The following ELF3 variants were observed in gnomAD, a reference collection of about 807,000 sequenced individuals.
The protein encoded by ELF3 is E74 like ETS transcription factor 3, also known as ETS-related transcription factor Elf-3.
In ELF3, 18 loss-of-function variants were observed where a neutral mutation model predicts 43.9. That is an observed-to-expected ratio of 0.41 (90% CI 0.28 to 0.61). The LOEUF (loss-of-function observed/expected upper bound fraction) is 0.61, where lower values mean the gene tolerates loss of function less well. Ranked by LOEUF, ELF3 falls within the 20% of genes least tolerant of loss-of-function variation. The pLI is 0.30. For missense variants in ELF3, 373 were observed against 487.7 expected (o/e 0.76, Z 2.21); for synonymous variants, 181 against 190.2 (o/e 0.95, Z 0.40).
At chr1:202,014,648 C>T (rs1684277468) in intron 8 of ELF3, among the ~76,000 whole-genome samples, 1 of 151,850 alleles carries the variant, frequency 6.6e-6, no homozygotes, top group Non-Finnish European at 1.5e-5. Flanking sequence ...CGCTCTGTCA[C>T]CCAGGCTAGA....
In ELF3 at chr1:202,012,316, G is replaced by T; in HGVS notation, c.386-28G>T. ...AGCCCTTGAGGGAGGGATTAGGGGA[G>T]TGTGACCCTTCCTTCCTTCCTTGTC... On this transcript the variant is annotated intron_variant, in intron 3 of 8. Coordinates refer to ENST00000367284, the MANE Select transcript of ELF3 (RefSeq NM_004433.5). The surrounding 1 kb of genome is among the most constrained non-coding windows in gnomAD (Gnocchi z 4.2). 1.9e-6 allele frequency: 3 copies of T among 1,613,064 alleles called. No individual in the cohort carries two copies. Among genetic ancestry groups the T allele is most frequent in the Non-Finnish European group, 2.5e-6 (3 of 1,179,378 alleles).
At chr1:202,014,845 T>G in intron 8 of ELF3, 1 of 208,242 alleles carries the variant, frequency 4.8e-6, no homozygotes. Flanking sequence ...TGACCTCAAG[T>G]GATCCGCCCG....
rs1684302139 is a variant in ELF3, at chr1:202,015,992, T to C, written c.*669T>C. 6.6e-6 allele frequency: 1 copy of C among 152,292 alleles called. No individual in the cohort carries two copies. Among genetic ancestry groups the C allele is most frequent in the African/African-American group, 2.4e-5 (1 of 41,452 alleles). The allele number at this position is 152,292 out of a possible 1,614,324, so 9.4% of individuals were successfully genotyped here. On this transcript the variant is annotated 3_prime_UTR_variant, in exon 9 of 9. Coordinates refer to ENST00000367284, the MANE Select transcript of ELF3 (RefSeq NM_004433.5). ...CAGAGACCTCCAATAAAGTGCCTTC[T>C]GGGCTTTTTCTAACCTTTGTCTTAG...
rs1207225406 is a variant in ELF3 at position 202,012,604 on chromosome 1, C to A, written c.479-36C>A. ...GCATCACCTGTCCTGGTCTGGTCCC[C>A]TGAGCCCTCTCTGAGTTCTCACCTC... is the stretch of plus-strand genomic sequence containing the variant. On this transcript the variant is annotated intron_variant, in intron 4 of 8. Coordinates refer to ENST00000367284, the MANE Select transcript of ELF3 (RefSeq NM_004433.5). The surrounding 1 kb of genome is among the most constrained non-coding windows in gnomAD (Gnocchi z 4.2). 1 of 1,558,978 alleles carries A rather than the reference C, an allele frequency of 6.4e-7. No homozygotes were observed. Among genetic ancestry groups the A allele is most frequent in the Admixed American group, 1.9e-5 (1 of 52,572 alleles).
chr1:202,013,343 G>T lies in ELF3; in HGVS notation c.805+45G>T, dbSNP rs373929064. On this transcript the variant is annotated intron_variant, in intron 7 of 8. Transcript: ENST00000367284. This position sits in a 1 kb window ranked among gnomAD's most constrained non-coding sequence, Gnocchi z 5.7. ...GGGTCCTCCCTGCGCCGGGCTGAGC[G>T]GCTTCCTGGGGCACTGCGGGTTGTT... 9 of 1,576,818 alleles carry T rather than the reference G, an allele frequency of 5.7e-6. No homozygotes were observed. Among genetic ancestry groups the T allele is most frequent in the Middle Eastern group, 1.7e-4 (1 of 5,876 alleles).
In ELF3 at chr1:202,013,719, C is replaced by A; in HGVS notation, c.806-110C>A. On this transcript the variant is annotated intron_variant, in intron 7 of 8. Coordinates refer to ENST00000367284, the MANE Select transcript of ELF3 (RefSeq NM_004433.5). This position sits in a 1 kb window ranked among gnomAD's most constrained non-coding sequence, Gnocchi z 5.7. ...GGGCACTGCGGGGTCTCTGGAGAGG[C>A]TTGCTGCATGCTGTGGCCAAGTCAG... 1.6e-6 allele frequency: 2 copies of A among 1,248,394 alleles called. No homozygotes were observed. The highest frequency in any genetic ancestry group is 2.2e-6 in the Non-Finnish European group (2 of 906,004). The allele number at this position is 1,248,394 out of a possible 1,614,324, so 77.3% of individuals were successfully genotyped here.
Position 202,013,426 on chromosome 1 carries a change from C to A in ELF3, c.805+128C>A. ...CCGCATGGCCTTTGGTAAGGCTGTG[C>A]ACAAGCTGGGGGCTCTATGGTATCG... On this transcript the variant is annotated intron_variant, in intron 7 of 8. Coordinates refer to ENST00000367284, the MANE Select transcript of ELF3 (RefSeq NM_004433.5). The surrounding 1 kb of genome is among the most constrained non-coding windows in gnomAD (Gnocchi z 5.7). The A allele has an allele frequency of 1.1e-6, 1 of 949,048 alleles. No individual in the cohort carries two copies. The highest frequency in any genetic ancestry group is 1.6e-6 in the Non-Finnish European group (1 of 618,814). 58.8% of individuals were successfully genotyped at this position (949,048 alleles called of 1,614,324 possible). A position where few individuals can be genotyped will look rare whatever the true frequency, so the allele number is the denominator to read the frequency against.
Position 202,010,768 on chromosome 1 carries a change from G to A in ELF3, c.-9+62G>A, listed in dbSNP as rs377233530. ...TTGGGAAACTGCAGAGGGGTCCAGA[G>A]GATTTGCAGTTCTGAACCTGCACAC... is the stretch of plus-strand genomic sequence containing the variant. On this transcript the variant is annotated intron_variant, in intron 1 of 8. Transcript: ENST00000367284. This position sits in a 1 kb window ranked among gnomAD's most constrained non-coding sequence, Gnocchi z 4.3. 2.0e-4 allele frequency: 39 copies of A among 193,314 alleles called. No individual in the cohort carries two copies. The highest frequency in any genetic ancestry group is 9.0e-4 in the African/African-American group (38 of 42,268). 12.0% of individuals were successfully genotyped at this position (193,314 alleles called of 1,614,324 possible).
chr1:202,012,207 G>A lies in ELF3; in HGVS notation c.385+29G>A, dbSNP rs74136712. On this transcript the variant is annotated intron_variant, in intron 3 of 8. Transcript: ENST00000367284. The surrounding 1 kb of genome is among the most constrained non-coding windows in gnomAD (Gnocchi z 4.2). ...AGTCCAGGCCCCTGGAGGCTGGGGA[G>A]CAGCTCCACATGTTGAGCTGAGTCG... is the stretch of plus-strand genomic sequence containing the variant. 34,155 of 1,609,436 alleles carry A rather than the reference G, an allele frequency of 0.021. 922 individuals are homozygous for A. Among genetic ancestry groups the A allele is most frequent in the African/African-American group, 0.13 (9,989 of 74,922 alleles).
Position 202,016,308 on chromosome 1 carries a change from C to A in ELF3, c.*985C>A, listed in dbSNP as rs921723239. On this transcript the variant is annotated 3_prime_UTR_variant, in exon 9 of 9. Transcript: ENST00000367284. The stretch of plus-strand genomic sequence containing the variant: ...TGCTGTCATGACACCGCTCGAGTGA[C>A]CTTGACCTTGACCAAGTCTGTCCTG... 1 of 152,218 alleles carries A rather than the reference C, an allele frequency of 6.6e-6. No homozygotes were observed. The highest frequency in any genetic ancestry group is 1.5e-5 in the Non-Finnish European group (1 of 68,054). 9.4% of individuals were successfully genotyped at this position (152,218 alleles called of 1,614,324 possible). A position where few individuals can be genotyped will look rare whatever the true frequency, so the allele number is the denominator to read the frequency against.
chr1:202,015,464 AT>A lies in ELF3; in HGVS notation c.*143del. The A allele has an allele frequency of 1.3e-6, 1 of 785,444 alleles. No individual in the cohort carries two copies. The highest frequency in any genetic ancestry group is 2.7e-5 in the East Asian group (1 of 36,898). 48.7% of individuals were successfully genotyped at this position (785,444 alleles called of 1,614,324 possible). A position where few individuals can be genotyped will look rare whatever the true frequency, so the allele number is the denominator to read the frequency against. On this transcript the variant is annotated 3_prime_UTR_variant, in exon 9 of 9. Coordinates refer to ENST00000367284, the MANE Select transcript of ELF3 (RefSeq NM_004433.5). ...TGGAGAGAAGCTGATGTTTTGGTGT[AT>A]TGTCAGCCATCGTCCTGGGACTCGG...
chr1:202,012,274 G>C lies in ELF3; in HGVS notation c.386-70G>C. 1 of 1,607,370 alleles carries C rather than the reference G, an allele frequency of 6.2e-7. No homozygotes were observed. Among genetic ancestry groups the C allele is most frequent in the Middle Eastern group, 1.7e-4 (1 of 5,768 alleles). ...AGGCAGGCCCTGGAGCTCTGGGCCAGCTGCACAGCCAGAGAGAGCCCTTGA... is the reference window on the plus strand; with the variant it reads ...AGGCAGGCCCTGGAGCTCTGGGCCACCTGCACAGCCAGAGAGAGCCCTTGA... On this transcript the variant is annotated intron_variant, in intron 3 of 8. Coordinates refer to ENST00000367284, the MANE Select transcript of ELF3 (RefSeq NM_004433.5). This position sits in a 1 kb window ranked among gnomAD's most constrained non-coding sequence, Gnocchi z 4.2.
At position 202,013,270 on chromosome 1, in the gene ELF3, C is replaced by G. The variant is rs1231879927; in HGVS notation, c.777C>G (p.Asp259Glu). The G allele has an allele frequency of 6.2e-7, 1 of 1,614,160 alleles. No individual in the cohort carries two copies. The highest frequency in any genetic ancestry group is 1.1e-5 in the South Asian group (1 of 91,082). The change falls in exon 7 of 9, where the codon GAC (aspartate) becomes GAG (glutamate). Residue 259 changes from aspartate to glutamate, a missense_variant. By Grantham distance (45) the Asp-to-Glu change is conservative. Around this residue, in one of 3 missense-constraint regions of ELF3, gnomAD observed 311 missense variants for 351.2 expected, o/e 0.89. Transcript: ENST00000367284. This position sits in a 1 kb window ranked among gnomAD's most constrained non-coding sequence, Gnocchi z 5.7. ...RPRKLSKEYW[D>E]CLEGKKSKHA... ...GAAAGCTGAGCAAAGAGTACTGGGACTGTCTCGAGGGCAAGAAGAGCAAGC... is the reference window on the plus strand; with the variant it reads ...GAAAGCTGAGCAAAGAGTACTGGGAGTGTCTCGAGGGCAAGAAGAGCAAGC...
rs202066550 is a variant in ELF3, at chr1:202,012,692, C to T, written c.531C>T (p.Ser177=). 1.8e-5 allele frequency: 29 copies of T among 1,608,418 alleles called. No individual in the cohort carries two copies. The East Asian group carries it at 6.0e-4, about 33-fold the overall frequency. ...TGCTGGACGACGGTCAGCAAGCCAGCCCCTACCACCCCGGCAGCTGTGGCG... is the reference window on the plus strand; with the variant it reads ...TGCTGGACGACGGTCAGCAAGCCAGTCCCTACCACCCCGGCAGCTGTGGCG... The part of the protein sequence containing the change: ...QELLDDGQQA[S]PYHPGSCGAG... The change falls in exon 5 of 9, where the codon AGC becomes AGT. Residue 177 remains serine, a synonymous_variant. Coordinates refer to ENST00000367284, the MANE Select transcript of ELF3 (RefSeq NM_004433.5). This position sits in a 1 kb window ranked among gnomAD's most constrained non-coding sequence, Gnocchi z 4.2.
In ELF3 at chr1:202,012,532, C is replaced by T. The variant is rs1684226522; in HGVS notation, c.478+96C>T. The stretch of plus-strand genomic sequence containing the variant: ...AGATGACCCCCTCCCCAGACTTCTT[C>T]CTCCCTCAATTAGAAAAATTGCAGC... On this transcript the variant is annotated intron_variant, in intron 4 of 8. Transcript: ENST00000367284. This position sits in a 1 kb window ranked among gnomAD's most constrained non-coding sequence, Gnocchi z 4.2. 9 of 1,558,626 alleles carry T rather than the reference C, an allele frequency of 5.8e-6. No homozygotes were observed. Among genetic ancestry groups the T allele is most frequent in the Non-Finnish European group, 7.8e-6 (9 of 1,152,706 alleles).
chr1:202,011,716 AC>A lies in ELF3; in HGVS notation c.164-240del, dbSNP rs1684200340. The stretch of plus-strand genomic sequence containing the variant: ...GTGAAACCCCGTCTCTACTAAAAAT[AC>A]AAAAAAAAATTTATCCCAGCGTGGT... On this transcript the variant is annotated intron_variant, in intron 2 of 8. Transcript: ENST00000367284. 29 of 544,910 alleles carry A rather than the reference AC, an allele frequency of 5.3e-5. No homozygotes were observed. In the East Asian group the frequency reaches 9.2e-4, roughly 17 times the overall value. The allele number at this position is 544,910 out of a possible 1,614,324, so 33.8% of individuals were successfully genotyped here. A position where few individuals can be genotyped will look rare whatever the true frequency, so the allele number is the denominator to read the frequency against.
rs1206951975 is a variant in ELF3 at position 202,012,897 on chromosome 1, T to C, written c.599-50T>C. ...TGTGTCCTGAGAGCCAGCAGCGTGG[T>C]TGAGCAGAGGGTGGGCCGGCAGGGG... is the stretch of plus-strand genomic sequence containing the variant. On this transcript the variant is annotated intron_variant, in intron 5 of 8. Transcript: ENST00000367284. The surrounding 1 kb of genome is among the most constrained non-coding windows in gnomAD (Gnocchi z 4.2). 1.9e-6 allele frequency: 3 copies of C among 1,576,516 alleles called. No homozygotes were observed. The highest frequency in any genetic ancestry group is 2.7e-5 in the African/African-American group (2 of 74,014).
chr1:202,014,057 C>T (rs199946495), intron 8 of ELF3, 33 bp downstream of exon 8: 11 of 1,578,792 alleles, frequency 7.0e-6, no homozygotes, highest in Non-Finnish European at 9.5e-6. Flanking sequence ...CACGATACAG[C>T]CGGACATGGG....
rs896039567 is a variant in ELF3 at position 202,013,403 on chromosome 1, G to A, written c.805+105G>A. 9 of 1,175,204 alleles carry A rather than the reference G, an allele frequency of 7.7e-6. No homozygotes were observed. The highest frequency in any genetic ancestry group is 1.1e-5 in the Non-Finnish European group (9 of 810,510). 72.8% of individuals were successfully genotyped at this position (1,175,204 alleles called of 1,614,324 possible). On this transcript the variant is annotated intron_variant, in intron 7 of 8. Coordinates refer to ENST00000367284, the MANE Select transcript of ELF3 (RefSeq NM_004433.5). This position sits in a 1 kb window ranked among gnomAD's most constrained non-coding sequence, Gnocchi z 5.7. Reference sequence around the variant, plus strand: ...CCTTCTCCCGTTTTCTCTGGCCTCCGCATGGCCTTTGGTAAGGCTGTGCAC... The same window carrying A: ...CCTTCTCCCGTTTTCTCTGGCCTCCACATGGCCTTTGGTAAGGCTGTGCAC...
Sources: gnomAD v4.1 joint callset for allele counts (sites outside exome capture counted in the v4.1 genomes callset) on GRCh38, gnomAD v4.1.1 for gene constraint, gnomAD v4.1.1 regional missense constraint, Gnocchi (gnomAD v3.1) non-coding constraint, MANE v1.5 for transcripts, NCBI Gene and HGNC (gene_info 2026-07-23, HGNC 2026-07-21) for gene names.